The following ATAD2B variants were observed in gnomAD, a reference collection of about 807,000 sequenced individuals.
The protein encoded by ATAD2B is ATPase family AAA domain containing 2B, also known as ATPase family AAA domain-containing protein 2B.
ATAD2B carries 40 observed loss-of-function variants against 167.6 expected under a neutral mutation model. That is an observed-to-expected ratio of 0.24 (90% CI 0.19 to 0.31). The LOEUF is 0.31. Ranked by LOEUF, ATAD2B falls within the 10% of genes least tolerant of loss-of-function variation. ATAD2B has a pLI of 1.00. For synonymous variants in ATAD2B, 579 were observed against 596.5 expected (o/e 0.97, Z 0.43); for missense variants, 1,242 against 1,757.2 (o/e 0.71, Z 5.24).
chr2:23,781,732 GTTTCT>G (rs1680088447), intron 22 of ATAD2B, among the ~76,000 whole-genome samples: 1 of 147,056 alleles, frequency 6.8e-6, no homozygotes, highest in South Asian at 2.1e-4. Context: ...AATGACTGCT[GTTTCT>G]TTTTTTTTTT....
chr2:23,744,099 G>C (rs1388251092), downstream of ATAD2B, among the ~76,000 whole-genome samples: 3 of 152,152 alleles, frequency 2.0e-5, no homozygotes, highest in African/African-American at 7.2e-5. Flanking sequence ...ATAAACAACT[G>C]GGAGGACGAG....
At chr2:23,847,142 G>A (rs1424279887) in intron 13 of ATAD2B, among the ~76,000 whole-genome samples, 1 of 131,688 alleles carries the variant, frequency 7.6e-6, no homozygotes, top group Non-Finnish European at 1.6e-5. Flanking sequence ...AGGGTGAGGC[G>A]GGCATATCAC....
chr2:23,701,783 CTTTTTTTTGCTTTTTT>C, the ATAD2B span, among the ~76,000 whole-genome samples: 2 of 118,492 alleles, frequency 1.7e-5, no homozygotes, highest in Non-Finnish European at 3.4e-5. Context: ...GCACACATGG[CTTTTTTTTGCTTTTTT>C]TTTTTTTTTT....
At chr2:23,755,651 A>G (rs1675863798) in intron 25 of ATAD2B, among the ~76,000 whole-genome samples, 1 of 152,136 alleles carries the variant, frequency 6.6e-6, no homozygotes, top group Admixed American at 6.6e-5. Flanking sequence ...TAAGTGTCTC[A>G]ATGCAGGGAC....
At chr2:23,776,967 T>A (rs1310529690) in intron 22 of ATAD2B, among the ~76,000 whole-genome samples, 2 of 152,140 alleles carry the variant, frequency 1.3e-5, no homozygotes, top group Non-Finnish European at 2.9e-5. Flanking sequence ...AAAATATGAC[T>A]GTATTTGGAG....
At chr2:23,743,645 A>G in the ATAD2B span, among the ~76,000 whole-genome samples, 1 of 151,480 alleles carries the variant, frequency 6.6e-6, no homozygotes, top group African/African-American at 2.4e-5. Flanking sequence ...TGTTTTTTTG[A>G]GACAGGGTGT....
At chr2:23,882,497 C>A (rs1307298185) in intron 6 of ATAD2B, among the ~76,000 whole-genome samples, 2 of 107,592 alleles carry the variant, frequency 1.9e-5, no homozygotes, top group African/African-American at 7.1e-5. Flanking sequence ...CACCCAGCCT[C>A]TATTTAAAAA....
rs1365669374 is a variant in ATAD2B at position 23,808,111 on chromosome 2, A to ATATATATAATTATATATATAAGTAAT, written c.2454+2204_2454+2205insATTACTTATATATATAATTATATATA. On this transcript the variant is annotated intron_variant, in intron 18 of 27. Coordinates refer to ENST00000238789, the MANE Select transcript of ATAD2B (RefSeq NM_017552.4). ...TATATAATTATATATATAAGTAATTATATATATAATTATTATATATAAGTG... is the reference window on the plus strand; with the variant it reads ...TATATAATTATATATATAAGTAATTATATATATAATTATATATATAAGTAATTATATATAATTATTATATATAAGTG... 1.3e-4 allele frequency among the ~76,000 whole-genome samples: 16 copies of ATATATATAATTATATATATAAGTAAT among 124,250 alleles called. 1 individual carries two copies. The highest frequency in any genetic ancestry group is 4.7e-4 in the African/African-American group (15 of 31,606). The allele number at this position is 124,250 out of a possible 152,430, so 81.5% of individuals were successfully genotyped here.
chr2:23,725,916 G>A, the ATAD2B span, among the ~76,000 whole-genome samples: 4 of 152,106 alleles, frequency 2.6e-5, no homozygotes, highest in Non-Finnish European at 5.9e-5. Context: ...TGCACTGTTC[G>A]TGGGAAAGTA....
chr2:23,884,465 G>A (rs964516287), intron 6 of ATAD2B, among the ~76,000 whole-genome samples: 1 of 151,962 alleles, frequency 6.6e-6, no homozygotes, highest in Non-Finnish European at 1.5e-5. Context: ...TACAAAAAAG[G>A]CCTCATCTAA....
intron 12 of ATAD2B, among the ~76,000 whole-genome samples, chr2:23,859,719 A>AGGC (rs1694032901): frequency 1.3e-5 from 2 of 152,064 alleles, no homozygotes; most frequent in South Asian, 4.1e-4. Flanking sequence ...AGGTCGAGAC[A>AGGC]GGCGGATCTC....
chr2:23,893,954 T>C (rs1380926914), intron 2 of ATAD2B, among the ~76,000 whole-genome samples: 1 of 151,968 alleles, frequency 6.6e-6, no homozygotes, highest in Non-Finnish European at 1.5e-5. Flanking sequence ...ATGAGCCACA[T>C]GCCTGGCCTC....
the ATAD2B span, among the ~76,000 whole-genome samples, chr2:23,699,517 G>C: frequency 6.6e-6 from 1 of 152,208 alleles, no homozygotes; most frequent in African/African-American, 2.4e-5. Flanking sequence ...AAACATCCCA[G>C]TGACCTGGCC....
the ATAD2B span, among the ~76,000 whole-genome samples, chr2:23,712,477 G>C: frequency 6.6e-6 from 1 of 152,322 alleles, no homozygotes; most frequent in South Asian, 2.1e-4. Context: ...CCTGCTGTGA[G>C]CCTGCATTGT....
At chr2:23,724,071 G>C in the ATAD2B span, among the ~76,000 whole-genome samples, 4 of 152,116 alleles carry the variant, frequency 2.6e-5, no homozygotes, top group African/African-American at 9.7e-5. Context: ...TTAAAAAAAA[G>C]TTTATCTCAT....
chr2:23,874,712 T>A (rs185351907), intron 8 of ATAD2B, among the ~76,000 whole-genome samples: 21 of 151,644 alleles, frequency 1.4e-4, no homozygotes, highest in Admixed American at 1.2e-3. Context: ...AAAATAAACT[T>A]TTAAAAGTAG....
intron 1 of ATAD2B, among the ~76,000 whole-genome samples, chr2:23,910,522 A>C (rs1388577982): frequency 1.3e-5 from 2 of 151,988 alleles, no homozygotes; most frequent in Admixed American, 1.3e-4. Context: ...AATTGCAGCA[A>C]TTAAAGAAAG....
At chr2:23,791,904 G>C (rs574816491) in intron 19 of ATAD2B, among the ~76,000 whole-genome samples, 1 of 152,248 alleles carries the variant, frequency 6.6e-6, no homozygotes, top group Non-Finnish European at 1.5e-5. Context: ...CCTAGAACTT[G>C]ATTGGCTGGA....
chr2:23,738,420 C>T, the ATAD2B span, among the ~76,000 whole-genome samples: 1 of 152,150 alleles, frequency 6.6e-6, no homozygotes, highest in Non-Finnish European at 1.5e-5. Flanking sequence ...AAAGAATTTT[C>T]AACCCAGAAT....
Sources: allele counts gnomAD v4.1 joint callset (sites outside exome capture counted in the v4.1 genomes callset), GRCh38; gene constraint gnomAD v4.1.1; transcripts MANE v1.5; gene names NCBI Gene and HGNC (gene_info 2026-07-23, HGNC 2026-07-21).